The following FAM178B variants were observed in gnomAD, a reference collection of about 807,000 sequenced individuals.
The protein encoded by FAM178B is protein FAM178B.
A neutral mutation model predicts 91.7 loss-of-function variants in FAM178B; 82 were observed. That is an observed-to-expected ratio of 0.89 (90% confidence interval 0.75 to 1.07). The LOEUF (loss-of-function observed/expected upper bound fraction) is 1.07, where lower values mean the gene tolerates loss of function less well. FAM178B is among the 50% of genes least tolerant of loss of function. The pLI is 0.00. For synonymous variants in FAM178B, 368 were observed against 359.4 expected, an observed-to-expected ratio of 1.02 and a Z score of -0.27; for missense variants, 769 against 846.7, an observed-to-expected ratio of 0.91 and a Z score of 1.14.
chr2:96,898,073 CTG>C (rs1427906934), intron 13 of FAM178B: 2 of 985,668 alleles, frequency 2.0e-6, no homozygotes, highest in African/African-American at 3.5e-5. Context: ...CTGCAAATTG[CTG>C]TGCCCAGATC....
chr2:96,937,684 C>T (rs2081655057), intron 8 of FAM178B, among the ~76,000 whole-genome samples: 1 of 152,196 alleles, frequency 6.6e-6, no homozygotes, highest in South Asian at 2.1e-4. Flanking sequence ...AGGCTCAGTA[C>T]TGGGGGAGCT....
chr2:96,913,300 G>A (rs1392702109), intron 12 of FAM178B, among the ~76,000 whole-genome samples: 1 of 152,212 alleles, frequency 6.6e-6, no homozygotes, highest in East Asian at 1.9e-4. Context: ...GGAACTCGCT[G>A]TGGCTCCGGG....
At chr2:96,887,852 G>A (rs966805901) in intron 14 of FAM178B, among the ~76,000 whole-genome samples, 3 of 152,128 alleles carry the variant, frequency 2.0e-5, no homozygotes, top group Admixed American at 2.0e-4. Flanking sequence ...GGGTCTCCGG[G>A]AGGACTGGGC....
chr2:96,963,831 T>C (rs2082112294), intron 5 of FAM178B, among the ~76,000 whole-genome samples: 1 of 152,214 alleles, frequency 6.6e-6, no homozygotes, highest in South Asian at 2.1e-4. Context: ...AAATATTTGC[T>C]ATTTACAAAC....
intron 15 of FAM178B, 45 bp downstream of exon 15, chr2:96,878,371 A>G: frequency 6.4e-7 from 1 of 1,567,144 alleles, no homozygotes; most frequent in Non-Finnish European, 8.8e-7. Context: ...GGGAGAAGAC[A>G]CAGCTGGGCA....
intron 8 of FAM178B, among the ~76,000 whole-genome samples, chr2:96,942,105 A>G (rs912349303): frequency 5.1e-4 from 77 of 152,272 alleles, no homozygotes; most frequent in African/African-American, 1.8e-3. Context: ...ATCTCTACTT[A>G]TAACAGCACC....
At chr2:96,943,902 C>G (rs2081775959) in intron 8 of FAM178B, among the ~76,000 whole-genome samples, 1 of 152,090 alleles carries the variant, frequency 6.6e-6, no homozygotes, top group Admixed American at 6.5e-5. Context: ...GTGGTTTTTT[C>G]TTGTTGTTTT....
At chr2:96,897,185 T>G (rs1299216631) in intron 13 of FAM178B, among the ~76,000 whole-genome samples, 1 of 152,138 alleles carries the variant, frequency 6.6e-6, no homozygotes, top group African/African-American at 2.4e-5. Flanking sequence ...ATTTACTTGC[T>G]TTTTATCACC....
intron 12 of FAM178B, among the ~76,000 whole-genome samples, chr2:96,905,664 C>G (rs1296297899): frequency 6.7e-6 from 1 of 149,578 alleles, no homozygotes; most frequent in East Asian, 2.0e-4. Flanking sequence ...AAGTCGGGTG[C>G]GGTGGCTCAT....
intron 8 of FAM178B, among the ~76,000 whole-genome samples, chr2:96,939,672 A>C (rs1442821237): frequency 6.6e-6 from 1 of 152,120 alleles, no homozygotes; most frequent in African/African-American, 2.4e-5. Flanking sequence ...AGAGTCAGAG[A>C]GGGTGAGGTA....
At chr2:96,878,587 G>T in intron 14 of FAM178B, 94 bp from the exon 15 acceptor site, 2 of 1,144,376 alleles carry the variant, frequency 1.7e-6, no homozygotes, top group Non-Finnish European at 2.6e-6. Context: ...CTCAGGCTTG[G>T]CAGGCCAGGC....
intron 5 of FAM178B, among the ~76,000 whole-genome samples, chr2:96,965,626 G>A (rs920051714): frequency 2.6e-5 from 4 of 152,056 alleles, no homozygotes; most frequent in Non-Finnish European, 5.9e-5. Context: ...ACACATCTGT[G>A]TACTTTTTAA....
intron 12 of FAM178B, among the ~76,000 whole-genome samples, chr2:96,906,147 G>A (rs1447790373): frequency 6.7e-6 from 1 of 149,532 alleles, no homozygotes; most frequent in Non-Finnish European, 1.5e-5. Flanking sequence ...GCCTCCCAAA[G>A]TGCTGGGATT....
At chr2:96,925,901 A>C (rs1236166308) in intron 9 of FAM178B, among the ~76,000 whole-genome samples, 1 of 152,210 alleles carries the variant, frequency 6.6e-6, no homozygotes, top group Non-Finnish European at 1.5e-5. Context: ...ACCTTAACCA[A>C]GAGCTGCCTC....
intron 14 of FAM178B, among the ~76,000 whole-genome samples, chr2:96,887,564 G>A (rs1018831208): frequency 3.3e-5 from 5 of 152,338 alleles, no homozygotes; most frequent in Non-Finnish European, 7.3e-5. Flanking sequence ...GCAAAGACGC[G>A]GCGTTGAGAA....
At chr2:96,956,061 C>T (rs183152836) in intron 6 of FAM178B, among the ~76,000 whole-genome samples, 25 of 152,226 alleles carry the variant, frequency 1.6e-4, no homozygotes, top group African/African-American at 4.6e-4. Context: ...AGAGGACAAA[C>T]GCACACCCCA....
At chr2:96,877,740 G>A (rs968453705) in intron 16 of FAM178B, 150 bp downstream of exon 16, 33 of 747,786 alleles carry the variant, frequency 4.4e-5, no homozygotes, top group South Asian at 7.2e-5. Flanking sequence ...CCCTCAAGGC[G>A]TCCCCACCCT....
chr2:96,916,423 C>G (rs746684716), intron 12 of FAM178B, among the ~76,000 whole-genome samples: 16 of 152,234 alleles, frequency 1.1e-4, no homozygotes, highest in Non-Finnish European at 1.5e-4. Context: ...CGGGAGCTGG[C>G]TTCATCTGAC....
intron 5 of FAM178B, among the ~76,000 whole-genome samples, chr2:96,965,382 C>T (rs78430048): frequency 6.6e-6 from 1 of 152,252 alleles, no homozygotes; most frequent in African/African-American, 2.4e-5. Flanking sequence ...CCTCCCTGAT[C>T]TTGCCCCAGG....
Sources: allele counts gnomAD v4.1 joint callset (sites outside exome capture counted in the v4.1 genomes callset), GRCh38; gene constraint gnomAD v4.1.1; transcripts MANE v1.5; gene names NCBI Gene and HGNC (gene_info 2026-07-23, HGNC 2026-07-21).